ZNF763: variants seen among roughly 807,000 people sequenced by gnomAD.
The protein encoded by ZNF763 is zinc finger protein 763, also known as DNA-binding protein.
In ZNF763, 33 loss-of-function variants were observed where a neutral mutation model predicts 38.0. The ratio of observed to expected loss-of-function variants is 0.87; its 90% CI spans 0.66 to 1.16. The LOEUF (loss-of-function observed/expected upper bound fraction) is 1.16. Among genes scored for constraint, ZNF763 ranks in the 50% most tolerant of loss-of-function variants. The pLI is 0.00. For synonymous variants in ZNF763, 155 were observed against 160.1 expected, an observed-to-expected ratio of 0.97 and a Z score of 0.24; for missense variants, 423 against 469.1, an observed-to-expected ratio of 0.90 and a Z score of 0.91.
At chr19:11,968,987 G>A (rs1973295312) in intron 1 of ZNF763, among the ~76,000 whole-genome samples, 2 of 152,324 alleles carry the variant, frequency 1.3e-5, no homozygotes, top group South Asian at 2.1e-4. Flanking sequence ...TCAGGGAAAG[G>A]AGGGTTCCAG....
intron 1 of ZNF763, among the ~76,000 whole-genome samples, chr19:11,975,458 C>T (rs453251): frequency 0.057 from 8,527 of 149,626 alleles, 761 homozygotes; most frequent in African/African-American, 0.19. Context: ...ACTGCAGTGG[C>T]GCAATCTCGG....
chr19:11,980,207 C>A lies in ZNF763; in HGVS notation c.*1098C>A. ...CTGGCCTGATCAATATGATGAAACC[C>A]CTGTCTCTACTAAAACTACAAAAAT... On this transcript the variant is annotated 3_prime_UTR_variant, in exon 4 of 4. Transcript: ENST00000358987. The A allele has an allele frequency of 2.2e-6, 1 of 451,532 alleles. No individual in the cohort carries two copies. The allele number at this position is 451,532 out of a possible 1,614,324, so 28.0% of individuals were successfully genotyped here.
At chr19:11,969,803 T>G (rs997595995) in intron 1 of ZNF763, among the ~76,000 whole-genome samples, 3 of 152,192 alleles carry the variant, frequency 2.0e-5, no homozygotes, top group African/African-American at 4.8e-5. Flanking sequence ...GAAAAATCCT[T>G]TCTGCCTCTC....
At chr19:11,974,087 TTC>T (rs1459405654) in intron 1 of ZNF763, among the ~76,000 whole-genome samples, 2 of 85,478 alleles carry the variant, frequency 2.3e-5, no homozygotes, top group Non-Finnish European at 4.6e-5. Context: ...CTTTCTTTCT[TTC>T]TTTCTTTCTT....
In ZNF763 at chr19:11,978,575, C is replaced by T; in HGVS notation, c.651C>T (p.Ile217=). Residue 217 remains isoleucine (I), a synonymous_variant, in exon 4 of 4, where the codon ATC becomes ATT. Transcript: ENST00000358987. ...KAVHCLRLYL[I]HERTHTGEKP... ...TCCATTGTCTCAGATTATATCTTAT[C>T]CATGAAAGAACTCACACTGGAGAGA... The T allele has an allele frequency of 6.2e-7, 1 of 1,614,172 alleles. No homozygotes were observed. Among genetic ancestry groups the T allele is most frequent in the Non-Finnish European group, 8.5e-7 (1 of 1,180,028 alleles).
Position 11,979,217 on chromosome 19 carries a change from T to C in ZNF763, c.*108T>C, listed in dbSNP as rs1253133139. Reference sequence around the variant, plus strand: ...AAATGCATGCCATGTGGTAAAGCCTTCAATCTTTCCAGTTCCTTTCAGTAT... The same window carrying C: ...AAATGCATGCCATGTGGTAAAGCCTCCAATCTTTCCAGTTCCTTTCAGTAT... On this transcript the variant is annotated 3_prime_UTR_variant, in exon 4 of 4. Transcript: ENST00000358987. 1.2e-6 allele frequency: 2 copies of C among 1,611,682 alleles called. No individual in the cohort carries two copies. The highest frequency in any genetic ancestry group is 2.7e-5 in the African/African-American group (2 of 74,580).
chr19:11,970,996 T>G (rs1254977777), intron 1 of ZNF763, among the ~76,000 whole-genome samples: 2 of 152,198 alleles, frequency 1.3e-5, no homozygotes, highest in Non-Finnish European at 2.9e-5. Flanking sequence ...TTTCCATTGG[T>G]CTGTCCTTCC....
chr19:11,975,420 C>T (rs948965227), intron 1 of ZNF763, among the ~76,000 whole-genome samples: 1 of 144,494 alleles, frequency 6.9e-6, no homozygotes, highest in African/African-American at 2.6e-5. Flanking sequence ...TTTTTTGAGA[C>T]AGAGTCTTGC....
intron 1 of ZNF763, among the ~76,000 whole-genome samples, chr19:11,974,622 G>T (rs1973446227): frequency 7.3e-6 from 1 of 136,748 alleles, no homozygotes; most frequent in Non-Finnish European, 1.6e-5. Flanking sequence ...CGGGGGGGTG[G>T]GGTGTAATCT....
intron 1 of ZNF763, 150 bp downstream of exon 1, chr19:11,965,361 G>A (rs943655357): frequency 5.8e-5 from 65 of 1,116,094 alleles, no homozygotes; most frequent in Non-Finnish European, 7.6e-5. Flanking sequence ...CGGTCCCCTC[G>A]GCCGCTGGAT....
intron 1 of ZNF763, among the ~76,000 whole-genome samples, chr19:11,969,753 CAT>C (rs893313346): frequency 4.6e-5 from 7 of 152,326 alleles, no homozygotes; most frequent in Admixed American, 3.3e-4. Context: ...GAACATTTCA[CAT>C]GAGAGGAAAG....
At chr19:11,974,056 C>CCTTCTTTCT (rs1420316737) in intron 1 of ZNF763, among the ~76,000 whole-genome samples, 7 of 148,562 alleles carry the variant, frequency 4.7e-5, no homozygotes, top group African/African-American at 1.8e-4. Flanking sequence ...TTCTTTCTTT[C>CCTTCTTTCT]TTTCCTTCTT....
chr19:11,968,278 A>G (rs910061528), intron 1 of ZNF763, among the ~76,000 whole-genome samples: 10 of 151,976 alleles, frequency 6.6e-5, no homozygotes, highest in South Asian at 2.1e-4. Context: ...CTTTGAGACA[A>G]TGTCTAGCTC....
chr19:11,976,600 C>T (rs1973496070), intron 1 of ZNF763, among the ~76,000 whole-genome samples: 1 of 147,260 alleles, frequency 6.8e-6, no homozygotes, highest in African/African-American at 2.5e-5. Context: ...GGTGTGGTGG[C>T]TCATGCCTGT....
intron 1 of ZNF763, among the ~76,000 whole-genome samples, chr19:11,969,839 A>T (rs1001813890): frequency 1.3e-5 from 2 of 152,168 alleles, no homozygotes; most frequent in Admixed American, 1.3e-4. Flanking sequence ...CTAGACACAG[A>T]CACCTTATCA....
Position 11,978,879 on chromosome 19 carries a change from AAAGCAT to A in ZNF763, c.956_961del (p.Lys319_Phe321delinsIle). 6.2e-7 allele frequency: 1 copy of A among 1,614,234 alleles called. No homozygotes were observed. On this transcript the variant is annotated inframe_deletion, in exon 4 of 4. Coordinates refer to ENST00000358987, the MANE Select transcript of ZNF763 (RefSeq NM_001367172.2). ...GCCCTGTGAATGTAGCAAATGTAAT[AAAGCAT>A]TCCGTAGTTACAGATCCTATCTTAG...
rs1973466039 is a variant in ZNF763, at chr19:11,975,414, T to C, written c.4-1624T>C. 3.3e-5 allele frequency among the ~76,000 whole-genome samples: 5 copies of C among 151,410 alleles called. 1 individual carries two copies. The South Asian group carries it at 1.0e-3, about 32-fold the overall frequency. On this transcript the variant is annotated intron_variant, in intron 1 of 3. Coordinates refer to ENST00000358987, the MANE Select transcript of ZNF763 (RefSeq NM_001367172.2). ...TTTTTTTTTATTTTATTATTATTTT[T>C]TGAGACAGAGTCTTGCTCTGTCGCC...
Position 11,978,514 on chromosome 19 carries a change from A to T in ZNF763, c.590A>T (p.Asp197Val), listed in dbSNP as rs748331726. The change falls in exon 4 of 4, where the codon GAT becomes GTT. Residue 197 changes from aspartate (D) to valine (V), a missense_variant. By Grantham distance (152) the Asp-to-Val change is radical. Transcript: ENST00000358987. ...AGACGCATGGTAATGCACAGTGGGG[A>T]TGGACCTTATAAATGTAAGTTTTGT... ...IRRRMVMHSG[D>V]GPYKCKFCGK... is the part of the protein sequence containing the mutation. The T allele has an allele frequency of 6.2e-7, 1 of 1,614,112 alleles. No individual in the cohort carries two copies. Among genetic ancestry groups the T allele is most frequent in the East Asian group, 2.2e-5 (1 of 44,898 alleles).
At chr19:11,965,735 G>A (rs954542191) in intron 1 of ZNF763, among the ~76,000 whole-genome samples, 1 of 152,194 alleles carries the variant, frequency 6.6e-6, no homozygotes, top group African/African-American at 2.4e-5. Flanking sequence ...AAGTTTATTC[G>A]TAGCCAAATA....
Sources: allele counts gnomAD v4.1 joint callset (sites outside exome capture counted in the v4.1 genomes callset), GRCh38; gene constraint gnomAD v4.1.1; transcripts MANE v1.5; gene names NCBI Gene and HGNC (gene_info 2026-07-23, HGNC 2026-07-21).